The following TMC1 variants were observed in gnomAD, a reference collection of about 807,000 sequenced individuals.
TMC1 encodes the protein transmembrane channel like 1, also known as transmembrane channel-like protein 1.
In TMC1, 84 loss-of-function variants were observed where a neutral mutation model predicts 105.8. That is an observed-to-expected ratio of 0.79 (90% CI 0.67 to 0.95). The LOEUF (loss-of-function observed/expected upper bound fraction) is 0.95, where lower values mean the gene tolerates loss of function less well. Among genes scored for constraint, TMC1 ranks in the 40% least tolerant of loss-of-function variants. The pLI, the probability that TMC1 is intolerant of heterozygous loss-of-function variation, is 0.00. For synonymous variants in TMC1, 315 were observed against 311.5 expected (o/e 1.01, Z -0.12); for missense variants, 817 against 914.1 (o/e 0.89, Z 1.37).
chr9:72,715,798 G>A (rs2793160), intron 8 of TMC1, among the ~76,000 whole-genome samples: 35,276 of 151,788 alleles, frequency 0.23, 4,467 homozygotes, highest in East Asian at 0.38. Context: ...AGTTTTGTTC[G>A]CTTGCTGGCA....
chr9:72,685,606 C>T (rs529875722), intron 5 of TMC1, among the ~76,000 whole-genome samples: 172 of 152,190 alleles, frequency 1.1e-3, no homozygotes, highest in African/African-American at 3.9e-3. Context: ...TCAAGTGATT[C>T]ATCCACCTCA....
intron 23 of TMC1, 52 bp downstream of exon 23, chr9:72,830,734 CTTTCTT>C: frequency 1.6e-6 from 2 of 1,235,836 alleles, no homozygotes; most frequent in Non-Finnish European, 2.2e-6. Flanking sequence ...TTTTCTTTTT[CTTTCTT>C]TTTTTTTTTT....
rs1372673051 is a variant in TMC1, at chr9:72,837,583, A to C, written c.*1610A>C. The C allele has an allele frequency of 2.6e-5, 4 of 152,180 alleles. No homozygotes were observed. The highest frequency in any genetic ancestry group is 9.7e-5 in the African/African-American group (4 of 41,426). 9.4% of individuals were successfully genotyped at this position (152,180 alleles called of 1,614,324 possible). ...ACTTCTGTTGGGGGCCTTAATTTAT[A>C]GATATGTTTAAGCATTATTATGGAT... On this transcript the variant is annotated 3_prime_UTR_variant, in exon 24 of 24. Transcript: ENST00000297784.
intron 2 of TMC1, among the ~76,000 whole-genome samples, chr9:72,597,910 T>A (rs148818941): frequency 1.8e-4 from 27 of 152,246 alleles, no homozygotes; most frequent in African/African-American, 6.3e-4. Flanking sequence ...CTATGCCAGT[T>A]CCCTTCTCTG....
chr9:72,544,382 A>G (rs1466236806), intron 1 of TMC1, among the ~76,000 whole-genome samples: 1 of 151,718 alleles, frequency 6.6e-6, no homozygotes, highest in Non-Finnish European at 1.5e-5. Flanking sequence ...TAATTCTTCA[A>G]ACACCCCACA....
intron 2 of TMC1, among the ~76,000 whole-genome samples, chr9:72,581,235 T>C (rs936209626): frequency 5.3e-5 from 8 of 152,210 alleles, no homozygotes; most frequent in African/African-American, 1.9e-4. Context: ...TAAGGGGAAA[T>C]AGAAGGTTGA....
At chr9:72,782,640 C>T (rs532657475) in intron 13 of TMC1, among the ~76,000 whole-genome samples, 1 of 152,070 alleles carries the variant, frequency 6.6e-6, no homozygotes, top group Admixed American at 6.6e-5. Context: ...ATGTACATTT[C>T]TATACAGCAA....
At chr9:72,822,561 T>TGTGTGTGTGTG (rs1828893275) in intron 20 of TMC1, among the ~76,000 whole-genome samples, 1 of 147,292 alleles carries the variant, frequency 6.8e-6, no homozygotes, top group Non-Finnish European at 1.5e-5. Flanking sequence ...TGTGTGTGTG[T>TGTGTGTGTGTG]TTCCAAGTGG....
At chr9:72,659,886 G>A (rs556400549) in intron 5 of TMC1, among the ~76,000 whole-genome samples, 1 of 152,304 alleles carries the variant, frequency 6.6e-6, no homozygotes, top group South Asian at 2.1e-4. Flanking sequence ...TCTGATGTTA[G>A]TCGGGGTTTC....
At chr9:72,579,649 C>T (rs1437083804) in intron 2 of TMC1, among the ~76,000 whole-genome samples, 4 of 152,190 alleles carry the variant, frequency 2.6e-5, no homozygotes, top group African/African-American at 4.8e-5. Flanking sequence ...GTTGCTACTA[C>T]GTCCCAGGTG....
intron 3 of TMC1, among the ~76,000 whole-genome samples, chr9:72,622,021 C>T (rs1367736247): frequency 6.6e-6 from 1 of 152,110 alleles, no homozygotes; most frequent in Non-Finnish European, 1.5e-5. Flanking sequence ...GTTTATCTTG[C>T]TTTGTGTGAA....
At chr9:72,525,101 T>G (rs1345810229) in intron 1 of TMC1, among the ~76,000 whole-genome samples, 1 of 152,224 alleles carries the variant, frequency 6.6e-6, no homozygotes, top group East Asian at 1.9e-4. Flanking sequence ...ATGCCTATTC[T>G]TTTAAACCGG....
At chr9:72,556,716 G>T (rs1823946910) in intron 1 of TMC1, among the ~76,000 whole-genome samples, 1 of 151,980 alleles carries the variant, frequency 6.6e-6, no homozygotes, top group Non-Finnish European at 1.5e-5. Context: ...CAGCTACTCG[G>T]GAGGCCGAAG....
intron 5 of TMC1, among the ~76,000 whole-genome samples, chr9:72,676,618 G>C (rs749687082): frequency 2.0e-5 from 3 of 152,112 alleles, no homozygotes; most frequent in Non-Finnish European, 4.4e-5. Flanking sequence ...ACATGTCTCT[G>C]TCTGACTCAA....
chr9:72,735,364 C>T (rs561054429), intron 8 of TMC1, among the ~76,000 whole-genome samples: 1 of 152,184 alleles, frequency 6.6e-6, no homozygotes, highest in Admixed American at 6.5e-5. Context: ...GTAGAAAAAT[C>T]TCTTTAATTT....
intron 7 of TMC1, among the ~76,000 whole-genome samples, chr9:72,700,071 T>C (rs1826616562): frequency 6.7e-6 from 1 of 149,506 alleles, no homozygotes; most frequent in Non-Finnish European, 1.5e-5. Flanking sequence ...CTGGCCAAGA[T>C]GGTGAAACCC....
intron 13 of TMC1, among the ~76,000 whole-genome samples, chr9:72,783,605 C>A (rs1828126480): frequency 6.6e-6 from 1 of 152,182 alleles, no homozygotes. Flanking sequence ...TCTGGCAACA[C>A]CTTCACAGAC....
intron 3 of TMC1, among the ~76,000 whole-genome samples, chr9:72,620,303 G>A (rs1289030590): frequency 6.6e-6 from 1 of 152,032 alleles, no homozygotes; most frequent in Non-Finnish European, 1.5e-5. Flanking sequence ...GTGCAGTGGT[G>A]TACTCATGGC....
At chr9:72,829,743 T>C (rs1022775600) in intron 21 of TMC1, among the ~76,000 whole-genome samples, 3 of 152,210 alleles carry the variant, frequency 2.0e-5, no homozygotes, top group African/African-American at 7.2e-5. Flanking sequence ...CAAAGAGTAA[T>C]ATAAGTTACC....
Sources: allele counts gnomAD v4.1 joint callset (sites outside exome capture counted in the v4.1 genomes callset), GRCh38; gene constraint gnomAD v4.1.1; transcripts MANE v1.5; gene names NCBI Gene and HGNC (gene_info 2026-07-23, HGNC 2026-07-21).